TBCK: variants seen among roughly 807,000 people sequenced by gnomAD.
The protein encoded by TBCK is TBC1 domain containing kinase, also known as TBC domain-containing protein kinase-like protein.
A neutral mutation model predicts 113.4 loss-of-function variants in TBCK; 99 were observed. The ratio of observed to expected loss-of-function variants is 0.87; its 90% CI spans 0.74 to 1.03. TBCK has a LOEUF of 1.03. Among genes scored for constraint, TBCK ranks in the 50% least tolerant of loss-of-function variants. The pLI, the probability that TBCK is intolerant of heterozygous loss-of-function variation, is 0.00. For missense variants in TBCK, 1,045 were observed against 1,061.3 expected, an observed-to-expected ratio of 0.98 and a Z score of 0.21; for synonymous variants, 369 against 370.8, an observed-to-expected ratio of 1.00 and a Z score of 0.05.
intron 22 of TBCK, among the ~76,000 whole-genome samples, chr4:106,181,505 T>G (rs1417164385): frequency 6.6e-6 from 1 of 152,222 alleles, no homozygotes; most frequent in African/African-American, 2.4e-5. Flanking sequence ...GTTCTAGGTC[T>G]TACGTTTAAG....
chr4:106,065,871 T>C (rs1399579795), intron 25 of TBCK, among the ~76,000 whole-genome samples: 1 of 152,028 alleles, frequency 6.6e-6, no homozygotes, highest in Non-Finnish European at 1.5e-5. Flanking sequence ...ACTAAGATCT[T>C]TGCAGTCCTT....
intron 25 of TBCK, among the ~76,000 whole-genome samples, chr4:106,081,244 C>T (rs979044093): frequency 1.3e-5 from 2 of 152,134 alleles, no homozygotes; most frequent in African/African-American, 4.8e-5. Context: ...ATATTCACTG[C>T]AGCACTATTC....
intron 12 of TBCK, among the ~76,000 whole-genome samples, chr4:106,238,181 G>A (rs1261686553): frequency 6.6e-6 from 1 of 151,908 alleles, no homozygotes; most frequent in Non-Finnish European, 1.5e-5. Context: ...CATATATTTT[G>A]GATGTAATTT....
chr4:106,136,131 TC>T (rs1410555644), intron 23 of TBCK, among the ~76,000 whole-genome samples: 2 of 141,914 alleles, frequency 1.4e-5, no homozygotes, highest in African/African-American at 5.0e-5. Context: ...ATTCTTTATC[TC>T]CTTTTTTTAT....
At chr4:106,285,429 T>C (rs2125804600) in intron 3 of TBCK, among the ~76,000 whole-genome samples, 1 of 152,256 alleles carries the variant, frequency 6.6e-6, no homozygotes, top group Admixed American at 6.5e-5. Flanking sequence ...ATTACTACTA[T>C]GACATTTCAG....
chr4:106,225,175 CAT>C (rs774977758), intron 19 of TBCK, among the ~76,000 whole-genome samples: 68 of 152,094 alleles, frequency 4.5e-4, no homozygotes, highest in Middle Eastern at 6.8e-3. Flanking sequence ...TCTTATGTAA[CAT>C]ATGGTCAATA....
intron 5 of TBCK, 53 bp from the exon 6 acceptor site, chr4:106,252,060 G>C (rs1052388453): frequency 6.9e-7 from 1 of 1,440,716 alleles, no homozygotes. Flanking sequence ...AGAAGCGATA[G>C]TACATTTTTA....
chr4:106,207,169 A>T (rs1237083734), intron 20 of TBCK, among the ~76,000 whole-genome samples: 1 of 152,218 alleles, frequency 6.6e-6, no homozygotes, highest in Non-Finnish European at 1.5e-5. Context: ...TTATATGTAA[A>T]TCACATAACT....
chr4:106,312,252 G>A (rs1164783134), intron 1 of TBCK, among the ~76,000 whole-genome samples: 1 of 151,956 alleles, frequency 6.6e-6, no homozygotes, highest in African/African-American at 2.4e-5. Context: ...TGTATTCGGA[G>A]TCTATAAAGA....
chr4:106,073,391 C>T (rs1216837869), intron 25 of TBCK, among the ~76,000 whole-genome samples: 2 of 152,178 alleles, frequency 1.3e-5, no homozygotes, highest in Admixed American at 6.5e-5. Context: ...CAGAGTTCCA[C>T]TCCAGACCCT....
chr4:106,149,164 G>C (rs1748185457), intron 23 of TBCK, among the ~76,000 whole-genome samples: 1 of 152,162 alleles, frequency 6.6e-6, no homozygotes, highest in African/African-American at 2.4e-5. Context: ...TTGGCTTAAG[G>C]GAATGTTGTG....
intron 1 of TBCK, among the ~76,000 whole-genome samples, chr4:106,311,470 T>A (rs1467475940): frequency 6.6e-6 from 1 of 152,040 alleles, no homozygotes; most frequent in Admixed American, 6.6e-5. Flanking sequence ...ATATTCCAGT[T>A]TTCATAAAAC....
intron 10 of TBCK, 88 bp downstream of exon 10, chr4:106,247,051 G>T: frequency 7.8e-7 from 1 of 1,284,980 alleles, no homozygotes. Flanking sequence ...AATATATATT[G>T]TTGATAAGTT....
intron 23 of TBCK, among the ~76,000 whole-genome samples, chr4:106,124,917 G>C (rs907833577): frequency 1.1e-4 from 17 of 151,594 alleles, no homozygotes; most frequent in Middle Eastern, 3.2e-3. Context: ...CGAGTTAGTG[G>C]GTGCAGCGCA....
intron 22 of TBCK, among the ~76,000 whole-genome samples, chr4:106,182,793 G>A (rs1156558935): frequency 6.6e-6 from 1 of 152,024 alleles, no homozygotes. Context: ...ATATTATGAA[G>A]CACTCTCTGT....
chr4:106,136,406 G>T (rs1399338528), intron 23 of TBCK, among the ~76,000 whole-genome samples: 1 of 141,312 alleles, frequency 7.1e-6, no homozygotes, highest in Non-Finnish European at 1.6e-5. Context: ...GGCCAGAAAA[G>T]AAGTGGAAAA....
At chr4:106,151,148 T>C (rs189430763) in intron 23 of TBCK, among the ~76,000 whole-genome samples, 1 of 152,174 alleles carries the variant, frequency 6.6e-6, no homozygotes. Flanking sequence ...AATAATTCCA[T>C]CCAGGTTAAT....
rs562703762 is a variant in TBCK at position 106,125,936 on chromosome 4, T to C, written c.2236-9558A>G. On this transcript the variant is annotated intron_variant, in intron 23 of 25. Transcript: ENST00000394708. ...AACACAAAGCAACGATAAAGACTTA[T>C]GGAGTAAATCTATATAAAGTATTTA... Among the ~76,000 whole-genome samples the C allele has an allele frequency of 2.5e-4, 38 of 152,364 alleles. No individual in the cohort carries two copies. The South Asian group carries it at 7.7e-3, about 31-fold the overall frequency.
upstream of TBCK, chr4:106,316,331 C>G (rs72878559): frequency 3.6e-6 from 2 of 559,164 alleles, no homozygotes; most frequent in Non-Finnish European, 6.5e-6. Context: ...GGACATATAG[C>G]GAGAGAGAAA....
Sources: gnomAD v4.1 joint callset for allele counts (sites outside exome capture counted in the v4.1 genomes callset) on GRCh38, gnomAD v4.1.1 for gene constraint, MANE v1.5 for transcripts, NCBI Gene and HGNC (gene_info 2026-07-23, HGNC 2026-07-21) for gene names.